Variants in EML6 observed in about 807,000 individuals in gnomAD.
EML6 encodes the protein echinoderm microtubule-associated protein-like 6.
In EML6, 154 loss-of-function variants were observed where a neutral mutation model predicts 240.1. The ratio of observed to expected loss-of-function variants is 0.64; its 90% CI spans 0.56 to 0.73. The LOEUF (loss-of-function observed/expected upper bound fraction) is 0.73. Among genes scored for constraint, EML6 ranks in the 30% least tolerant of loss-of-function variants. EML6 has a pLI of 0.00. For synonymous variants in EML6, 1,148 were observed against 899.0 expected (o/e 1.28, Z -4.95); for missense variants, 2,964 against 2,474.6 (o/e 1.20, Z -4.20).
intron 28 of EML6, among the ~76,000 whole-genome samples, chr2:54,937,625 C>T (rs115893437): frequency 6.7e-6 from 1 of 148,544 alleles, no homozygotes; most frequent in African/African-American, 2.5e-5. Flanking sequence ...ATTGCCTTAG[C>T]TCCAACTTAG....
intron 18 of EML6, among the ~76,000 whole-genome samples, chr2:54,891,372 A>T (rs912762623): frequency 6.6e-6 from 1 of 152,230 alleles, no homozygotes; most frequent in African/African-American, 2.4e-5. Flanking sequence ...AGCTTTGGAA[A>T]ATGTTCTGCT....
intron 7 of EML6, among the ~76,000 whole-genome samples, chr2:54,837,959 C>T (rs1250344229): frequency 2.6e-5 from 4 of 152,222 alleles, no homozygotes; most frequent in African/African-American, 7.2e-5. Context: ...GAGCCTCTGC[C>T]TGCTTTCAGT....
At chr2:54,876,383 G>T (rs1276951929) in intron 16 of EML6, among the ~76,000 whole-genome samples, 1 of 152,148 alleles carries the variant, frequency 6.6e-6, no homozygotes, top group African/African-American at 2.4e-5. Context: ...GGTTTGCACT[G>T]CTGCTTCCAT....
At chr2:54,887,513 A>G (rs1258399697) in intron 17 of EML6, among the ~76,000 whole-genome samples, 2 of 152,144 alleles carry the variant, frequency 1.3e-5, no homozygotes, top group Non-Finnish European at 2.9e-5. Context: ...CAAAAGGTTT[A>G]TATTTTTATG....
chr2:54,855,620 A>G (rs1362975286), intron 11 of EML6, among the ~76,000 whole-genome samples: 2 of 152,326 alleles, frequency 1.3e-5, no homozygotes, highest in African/African-American at 4.8e-5. Flanking sequence ...GGGCATCTGC[A>G]TGAATGAGGA....
chr2:54,794,250 T>G (rs1669632549), intron 2 of EML6, among the ~76,000 whole-genome samples: 1 of 152,196 alleles, frequency 6.6e-6, no homozygotes, highest in South Asian at 2.1e-4. Flanking sequence ...ACTGTGCCAT[T>G]ACACTCAGCT....
chr2:54,941,068 A>C (rs1015297503), intron 28 of EML6, among the ~76,000 whole-genome samples: 27 of 152,328 alleles, frequency 1.8e-4, no homozygotes, highest in African/African-American at 6.3e-4. Flanking sequence ...CTAACCTTTT[A>C]TGCTGTGCTT....
At chr2:54,806,365 C>A (rs1294415812) in intron 2 of EML6, among the ~76,000 whole-genome samples, 1 of 152,090 alleles carries the variant, frequency 6.6e-6, no homozygotes, top group South Asian at 2.1e-4. Context: ...GTAATCCCAG[C>A]ATTTTGGGAG....
chr2:54,816,240 C>T (rs976366833), intron 3 of EML6, among the ~76,000 whole-genome samples: 7 of 152,038 alleles, frequency 4.6e-5, no homozygotes, highest in African/African-American at 1.7e-4. Context: ...TGACCTGAAC[C>T]CAGGGAATTT....
chr2:54,933,195 T>A (rs1443127751), intron 28 of EML6, among the ~76,000 whole-genome samples: 1 of 152,144 alleles, frequency 6.6e-6, no homozygotes, highest in Non-Finnish European at 1.5e-5. Flanking sequence ...TCTTTTGAGG[T>A]GCTATTGGCT....
chr2:54,962,690 G>A lies in EML6; in HGVS notation c.5136G>A (p.Arg1712=). 2 of 1,498,696 alleles carry A rather than the reference G, an allele frequency of 1.3e-6. No individual in the cohort carries two copies. The highest frequency in any genetic ancestry group is 1.3e-5 in the South Asian group (1 of 75,632). The allele number at this position is 1,498,696 out of a possible 1,614,324, so 92.8% of individuals were successfully genotyped here. ...FISASNDGTA[R]IWDLADKKLL... is the part of the protein sequence containing the mutation. ...CTGCCAGCAACGATGGCACAGCCCG[G>A]ATCTGGGACCTGGCTGACAAGGTGA... Residue 1712 remains arginine (R), a synonymous_variant, in exon 36 of 42, where the codon CGG becomes CGA. Coordinates refer to ENST00000356458, the MANE Select transcript of EML6 (RefSeq NM_001039753.4).
chr2:54,829,546 T>G (rs1668760596), intron 7 of EML6, 69 bp downstream of exon 7: 1 of 1,314,284 alleles, frequency 7.6e-7, no homozygotes, highest in Admixed American at 2.2e-5. Context: ...GTATTCATAT[T>G]TGTTTCTCTG....
chr2:54,859,843 A>T lies in EML6; in HGVS notation c.1825+142A>T, dbSNP rs549905025. The T allele has an allele frequency of 1.2e-4, 83 of 678,998 alleles. No individual in the cohort carries two copies. The South Asian group carries it at 2.0e-3, about 17-fold the overall frequency. The allele number at this position is 678,998 out of a possible 1,614,324, so 42.1% of individuals were successfully genotyped here. A position where few individuals can be genotyped will look rare whatever the true frequency, so the allele number is the denominator to read the frequency against. On this transcript the variant is annotated intron_variant, in intron 12 of 41. Coordinates refer to ENST00000356458, the MANE Select transcript of EML6 (RefSeq NM_001039753.4). ...GTAATCTTAAAATTTTAAGATAAGA[A>T]GAAACTTTAAAGATTAACATGGGTC...
At chr2:54,886,603 C>A (rs576653476) in intron 17 of EML6, among the ~76,000 whole-genome samples, 2 of 152,308 alleles carry the variant, frequency 1.3e-5, no homozygotes, top group East Asian at 3.9e-4. Flanking sequence ...CACATTCTGG[C>A]CAACACTTGT....
chr2:54,769,935 T>C (rs1251032119), intron 2 of EML6, among the ~76,000 whole-genome samples: 1 of 152,216 alleles, frequency 6.6e-6, no homozygotes, highest in Admixed American at 6.5e-5. Flanking sequence ...AAATTTTATA[T>C]AGATCTTTGT....
chr2:54,935,355 A>G (rs1381356678), intron 28 of EML6, among the ~76,000 whole-genome samples: 1 of 152,162 alleles, frequency 6.6e-6, no homozygotes, highest in East Asian at 1.9e-4. Context: ...GTTCTTTCTA[A>G]TGGAAAGTGG....
At chr2:54,824,173 G>C (rs1668476081) in intron 5 of EML6, among the ~76,000 whole-genome samples, 1 of 152,042 alleles carries the variant, frequency 6.6e-6, no homozygotes, top group Non-Finnish European at 1.5e-5. Context: ...ATCTCTTTCT[G>C]TCCTTGGTTA....
chr2:54,920,083 G>A (rs758591177), intron 26 of EML6, among the ~76,000 whole-genome samples: 92 of 152,102 alleles, frequency 6.0e-4, no homozygotes, highest in Non-Finnish European at 1.0e-3. Flanking sequence ...GAAAAATAAA[G>A]ATCTCAAATA....
At chr2:54,850,688 C>A (rs866558915) in intron 10 of EML6, among the ~76,000 whole-genome samples, 1 of 152,248 alleles carries the variant, frequency 6.6e-6, no homozygotes, top group East Asian at 1.9e-4. Flanking sequence ...ACTATTTAGA[C>A]TGGCAAAAGT....
Sources: gnomAD v4.1 joint callset for allele counts (sites outside exome capture counted in the v4.1 genomes callset) on GRCh38, gnomAD v4.1.1 for gene constraint, MANE v1.5 for transcripts, NCBI Gene and HGNC (gene_info 2026-07-23, HGNC 2026-07-21) for gene names.